The following TET1 variants were observed in gnomAD, a reference collection of about 807,000 sequenced individuals.
The protein encoded by TET1 is tet methylcytosine dioxygenase 1, also known as methylcytosine dioxygenase TET1.
Under a neutral mutation model 148.7 loss-of-function variants are expected in TET1, and 13 were observed. The observed-to-expected ratio is 0.09, with a 90% confidence interval of 0.06 to 0.14. The LOEUF (loss-of-function observed/expected upper bound fraction) is 0.14, where lower values mean the gene tolerates loss of function less well. Among genes scored for constraint, TET1 ranks in the 10% least tolerant of loss-of-function variants. The pLI, the probability that TET1 is intolerant of heterozygous loss-of-function variation, is 1.00. For missense variants in TET1, 2,182 were observed against 2,553.8 expected (o/e 0.85, Z 3.14); for synonymous variants, 907 against 937.2 (o/e 0.97, Z 0.59).
chr10:68,676,046 G>C (rs575215305), intron 8 of TET1, among the ~76,000 whole-genome samples: 2 of 150,862 alleles, frequency 1.3e-5, no homozygotes, highest in Non-Finnish European at 3.0e-5. Context: ...TAGTAGAGAC[G>C]GGGTTTCACC....
At chr10:68,690,399 A>G (rs949973785) in intron 11 of TET1, among the ~76,000 whole-genome samples, 1 of 152,160 alleles carries the variant, frequency 6.6e-6, no homozygotes, top group Non-Finnish European at 1.5e-5. Context: ...TGAGGTCAGG[A>G]GATCGAGACC....
intron 2 of TET1, 129 bp from the exon 3 acceptor site, chr10:68,600,852 C>T (rs1414569863): frequency 2.7e-6 from 2 of 738,414 alleles, no homozygotes; most frequent in East Asian, 5.2e-5. Context: ...TAGGTTCTGC[C>T]TAGCAAACAT....
chr10:68,660,839 T>C (rs907161256), intron 6 of TET1, among the ~76,000 whole-genome samples: 1 of 149,756 alleles, frequency 6.7e-6, no homozygotes, highest in Non-Finnish European at 1.5e-5. Flanking sequence ...TTTTTTTGTA[T>C]TTTTAGTAGA....
rs762689888 is a variant in TET1 at position 68,646,854 on chromosome 10, C to G, written c.4125C>G (p.Val1375=). 3 of 1,614,178 alleles carry G rather than the reference C, an allele frequency of 1.9e-6. No individual in the cohort carries two copies. The highest frequency in any genetic ancestry group is 1.6e-4 in the Middle Eastern group (1 of 6,062). The change falls in exon 4 of 12, where the codon GTC becomes GTG. Residue 1375 remains valine (V), a synonymous_variant. Coordinates refer to ENST00000373644, the MANE Select transcript of TET1 (RefSeq NM_030625.3). The part of the protein sequence containing the change: ...TVVSTKSEEE[V]CSSSFGTSEF... ...TTTCTACCAAAAGTGAAGAGGAAGT[C>G]TGTTCATCCAGTTTTGGAACATCAG... is the stretch of plus-strand genomic sequence containing the variant.
intron 6 of TET1, among the ~76,000 whole-genome samples, chr10:68,661,071 C>G (rs1409466830): frequency 6.6e-6 from 1 of 151,672 alleles, no homozygotes; most frequent in Non-Finnish European, 1.5e-5. Flanking sequence ...GCTCTGTCGC[C>G]CAGGCTGGAG....
intron 2 of TET1, among the ~76,000 whole-genome samples, chr10:68,575,757 C>T (rs985024628): frequency 6.7e-6 from 1 of 150,362 alleles, no homozygotes; most frequent in African/African-American, 2.5e-5. Context: ...CGCGGTGGCT[C>T]ACACCTGTAA....
At chr10:68,622,202 C>A (rs1444688870) in intron 3 of TET1, among the ~76,000 whole-genome samples, 2 of 131,454 alleles carry the variant, frequency 1.5e-5, no homozygotes, top group Non-Finnish European at 3.2e-5. Flanking sequence ...TCCTTCCTTC[C>A]TTCCTTCCTT....
chr10:68,674,613 T>A, intron 8 of TET1: 1 of 499,608 alleles, frequency 2.0e-6, no homozygotes, highest in South Asian at 1.7e-5. Flanking sequence ...CTGATGAGCT[T>A]CCATGGCGTG....
At chr10:68,611,608 T>C (rs957630497) in intron 3 of TET1, among the ~76,000 whole-genome samples, 8 of 152,100 alleles carry the variant, frequency 5.3e-5, no homozygotes, top group African/African-American at 1.9e-4. Flanking sequence ...GTTGTAATCA[T>C]GCTACTGCAC....
chr10:68,670,544 T>C (rs1488631102), intron 7 of TET1, among the ~76,000 whole-genome samples: 1 of 152,242 alleles, frequency 6.6e-6, no homozygotes, highest in Non-Finnish European at 1.5e-5. Context: ...CTATTTAAAA[T>C]AATCTGAGGA....
In TET1 at chr10:68,651,875, T is replaced by G. The variant is rs746280017; in HGVS notation, c.4306T>G (p.Tyr1436Asp). 37 of 1,613,678 alleles carry G rather than the reference T, an allele frequency of 2.3e-5. No individual in the cohort carries two copies. Among genetic ancestry groups the G allele is most frequent in the Non-Finnish European group, 2.6e-5 (31 of 1,179,910 alleles). The change falls in exon 5 of 12, where the codon TAT (tyrosine) becomes GAT (aspartate). Residue 1436 changes from tyrosine (Y) to aspartate (D), a missense_variant. Transcript: ENST00000373644. ...DRVIQKDKGP[Y>D]YTHLGAGPSV... ...AGTTATACAAAAAGACAAAGGCCCA[T>G]ATTATACACACCTTGGGGCAGGACC...
chr10:68,652,411 T>G, intron 5 of TET1, 90 bp from the exon 6 acceptor site: 2 of 825,170 alleles, frequency 2.4e-6, no homozygotes, highest in East Asian at 5.6e-5. Context: ...TACATCTATA[T>G]CTTATATACA....
intron 3 of TET1, among the ~76,000 whole-genome samples, chr10:68,606,282 G>T (rs1046137679): frequency 6.6e-6 from 1 of 152,114 alleles, no homozygotes; most frequent in Non-Finnish European, 1.5e-5. Context: ...CAGGAGAATC[G>T]CTTGAACCTG....
intron 3 of TET1, among the ~76,000 whole-genome samples, chr10:68,605,806 C>T (rs2054115845): frequency 1.3e-5 from 2 of 152,192 alleles, no homozygotes; most frequent in Admixed American, 6.5e-5. Flanking sequence ...TGAGCAACCA[C>T]GCCTAGCCCA....
intron 3 of TET1, among the ~76,000 whole-genome samples, chr10:68,621,924 T>G (rs958628980): frequency 3.3e-5 from 5 of 152,218 alleles, no homozygotes; most frequent in Admixed American, 2.6e-4. Flanking sequence ...TGTTTGTCTT[T>G]TTTTTATTTG....
At chr10:68,626,121 G>GA (rs370491271) in intron 3 of TET1, among the ~76,000 whole-genome samples, 43,365 of 118,066 alleles carry the variant, frequency 0.37, 9,114 homozygotes, top group Non-Finnish European at 0.43. Flanking sequence ...AAAAGAAAAA[G>GA]AAAAGAAAAT....
In TET1 at chr10:68,646,529, A is replaced by G. The variant is rs764524560; in HGVS notation, c.3800A>G (p.His1267Arg). 4.3e-6 allele frequency: 7 copies of G among 1,614,230 alleles called. No individual in the cohort carries two copies. In the Admixed American group the frequency reaches 1.0e-4, roughly 23 times the overall value. ...CCATTGGATTCACTCAGCTTATTTC[A>G]TCTTAAAACGGAATCCAACGGGAAG... ...VEPLDSLSLFHLKTESNGKAF... is the reference protein window; with the variant it reads ...VEPLDSLSLFRLKTESNGKAF... Residue 1267 changes from histidine to arginine, a missense_variant, in exon 4 of 12, where the codon CAT becomes CGT. His to Arg is a conservative substitution (Grantham distance 29). Transcript: ENST00000373644.
intron 2 of TET1, among the ~76,000 whole-genome samples, chr10:68,596,246 G>A (rs772180005): frequency 2.0e-5 from 3 of 151,488 alleles, no homozygotes; most frequent in Non-Finnish European, 4.4e-5. Context: ...ATTTACAAAT[G>A]TCTTTTGTTA....
chr10:68,667,980 G>A (rs2055216823), intron 7 of TET1, among the ~76,000 whole-genome samples: 1 of 152,056 alleles, frequency 6.6e-6, no homozygotes, highest in Non-Finnish European at 1.5e-5. Flanking sequence ...GTGAGTTTTT[G>A]CCTATTAAGA....
Sources: gnomAD v4.1 joint callset for allele counts (sites outside exome capture counted in the v4.1 genomes callset) on GRCh38, gnomAD v4.1.1 for gene constraint, MANE v1.5 for transcripts, NCBI Gene and HGNC (gene_info 2026-07-23, HGNC 2026-07-21) for gene names.